The following CSMD1 variants were observed in gnomAD, a reference collection of about 807,000 sequenced individuals.
CSMD1 encodes CUB and Sushi multiple domains 1.
A neutral mutation model predicts 417.5 loss-of-function variants in CSMD1; 213 were observed. That is an observed-to-expected ratio of 0.51 (90% CI 0.46 to 0.57). The LOEUF (loss-of-function observed/expected upper bound fraction) is 0.57. Among genes scored for constraint, CSMD1 ranks in the 20% least tolerant of loss-of-function variants. CSMD1 has a pLI of 0.00. For synonymous variants in CSMD1, 2,862 were observed against 1,736.8 expected (o/e 1.65, Z -16.11); for missense variants, 6,923 against 4,529.7 (o/e 1.53, Z -15.17).
chr8:3,178,286 T>C (rs7013111), intron 37 of CSMD1, among the ~76,000 whole-genome samples: 86,172 of 151,736 alleles, frequency 0.57, 24,625 homozygotes, highest in African/African-American at 0.64. Flanking sequence ...TTGTTTTCAT[T>C]TCTATATGAG....
chr8:3,474,479 A>C (rs866210745), intron 11 of CSMD1, among the ~76,000 whole-genome samples: 19 of 152,266 alleles, frequency 1.2e-4, no homozygotes, highest in South Asian at 4.1e-4. Flanking sequence ...TCCACCAAAA[A>C]TTTGGTAAAC....
At chr8:4,836,728 G>C (rs1054082728) in intron 1 of CSMD1, among the ~76,000 whole-genome samples, 1 of 151,938 alleles carries the variant, frequency 6.6e-6, no homozygotes, top group Non-Finnish European at 1.5e-5. Context: ...AAGTCACAAG[G>C]TCTAAACCCC....
chr8:4,216,576 C>G (rs182212526), intron 3 of CSMD1, among the ~76,000 whole-genome samples: 9 of 152,186 alleles, frequency 5.9e-5, no homozygotes, highest in Non-Finnish European at 1.0e-4. Flanking sequence ...CCACTGCCAA[C>G]GGAGCCCTCC....
intron 3 of CSMD1, among the ~76,000 whole-genome samples, chr8:4,088,838 T>C (rs969706046): frequency 5.3e-5 from 8 of 152,118 alleles, no homozygotes; most frequent in African/African-American, 1.7e-4. Context: ...CCCTCTGGAA[T>C]CACTAGTCTC....
chr8:3,411,818 G>C (rs577011910), intron 12 of CSMD1, among the ~76,000 whole-genome samples: 1 of 80,288 alleles, frequency 1.2e-5, no homozygotes, highest in Non-Finnish European at 2.4e-5. Context: ...GTATATATAC[G>C]TGTATATGTA....
chr8:4,823,329 T>G (rs578019821), intron 1 of CSMD1, among the ~76,000 whole-genome samples: 59 of 152,194 alleles, frequency 3.9e-4, no homozygotes, highest in African/African-American at 1.4e-3. Context: ...GATGACTTAG[T>G]TTTTAAAATG....
chr8:4,665,785 C>T (rs1450813267), intron 1 of CSMD1, among the ~76,000 whole-genome samples: 1 of 152,084 alleles, frequency 6.6e-6, no homozygotes, highest in Non-Finnish European at 1.5e-5. Context: ...GTTTGTTTTC[C>T]ATTTATTAGC....
At chr8:4,034,769 G>C (rs1314807204) in intron 3 of CSMD1, among the ~76,000 whole-genome samples, 2 of 152,072 alleles carry the variant, frequency 1.3e-5, no homozygotes, top group Non-Finnish European at 2.9e-5. Flanking sequence ...GTCTTCTTAG[G>C]GTCATTATTA....
At chr8:3,183,077 A>C (rs1585583196) in intron 36 of CSMD1, 1 of 151,920 alleles carries the variant, frequency 6.6e-6, no homozygotes, top group African/African-American at 2.4e-5. Context: ...CTTTTTAAAC[A>C]TGAAGTGTGT....
chr8:3,506,744 G>A (rs1041367499), intron 10 of CSMD1, among the ~76,000 whole-genome samples: 2 of 152,168 alleles, frequency 1.3e-5, no homozygotes, highest in East Asian at 1.9e-4. Flanking sequence ...AGGAGATTTC[G>A]AGATAATTCA....
At chr8:4,524,971 T>G (rs984173253) in intron 2 of CSMD1, among the ~76,000 whole-genome samples, 1 of 152,166 alleles carries the variant, frequency 6.6e-6, no homozygotes, top group Non-Finnish European at 1.5e-5. Flanking sequence ...CAGAACAACT[T>G]GCCACGTATT....
intron 2 of CSMD1, among the ~76,000 whole-genome samples, chr8:4,558,576 T>G (rs1246960457): frequency 6.6e-6 from 1 of 152,010 alleles, no homozygotes; most frequent in Non-Finnish European, 1.5e-5. Context: ...TAATAAACAA[T>G]AGAGACTTTG....
intron 18 of CSMD1, among the ~76,000 whole-genome samples, chr8:3,381,594 A>G (rs751335663): frequency 6.6e-6 from 1 of 152,234 alleles, no homozygotes; most frequent in Non-Finnish European, 1.5e-5. Context: ...TGCATCGTCT[A>G]TATGACATCC....
intron 26 of CSMD1, among the ~76,000 whole-genome samples, chr8:3,239,554 G>C (rs1302495757): frequency 6.6e-6 from 1 of 152,190 alleles, no homozygotes; most frequent in Non-Finnish European, 1.5e-5. Context: ...CCTGGAGCTT[G>C]ATGTGTAGGG....
intron 8 of CSMD1, among the ~76,000 whole-genome samples, chr8:3,608,757 C>CT (rs1401795932): frequency 1.1e-5 from 1 of 89,248 alleles, no homozygotes; most frequent in Non-Finnish European, 2.4e-5. Flanking sequence ...GAGTGAGACT[C>CT]TGTCTCAAAA....
At chr8:4,442,690 A>C (rs1022600086) in intron 2 of CSMD1, among the ~76,000 whole-genome samples, 1 of 152,192 alleles carries the variant, frequency 6.6e-6, no homozygotes, top group Non-Finnish European at 1.5e-5. Flanking sequence ...AATGTCTCCG[A>C]AAAGGTAGTT....
At chr8:4,421,182 TA>T (rs1563155814) in intron 2 of CSMD1, among the ~76,000 whole-genome samples, 1 of 152,200 alleles carries the variant, frequency 6.6e-6, no homozygotes, top group South Asian at 2.1e-4. Flanking sequence ...CTTTGTACTT[TA>T]TGTGTTAGCG....
chr8:4,317,324 T>A (rs1335921228), intron 3 of CSMD1, among the ~76,000 whole-genome samples: 2 of 152,194 alleles, frequency 1.3e-5, no homozygotes, highest in Non-Finnish European at 2.9e-5. Flanking sequence ...CTTGCTAACG[T>A]GGGGTGCAGT....
chr8:4,225,275 A>T (rs552760245), intron 3 of CSMD1, among the ~76,000 whole-genome samples: 1 of 152,184 alleles, frequency 6.6e-6, no homozygotes. Context: ...AATAGAAAAA[A>T]ATATTATTTA....
Sources: allele counts gnomAD v4.1 joint callset (sites outside exome capture counted in the v4.1 genomes callset), GRCh38; gene constraint gnomAD v4.1.1; transcripts MANE v1.5; gene names NCBI Gene and HGNC (gene_info 2026-07-23, HGNC 2026-07-21).